The following ADCY3 variants were observed in gnomAD, a reference collection of about 807,000 sequenced individuals.
ADCY3 encodes adenylate cyclase 3, also known as adenylate cyclase type 3.
Under a neutral mutation model 119.4 loss-of-function variants are expected in ADCY3, and 70 were observed. The ratio of observed to expected loss-of-function variants is 0.59; its 90% CI spans 0.48 to 0.72. ADCY3 has a LOEUF of 0.72. ADCY3 is among the 30% of genes least tolerant of loss of function. ADCY3 has a pLI of 0.00. For synonymous variants in ADCY3, 672 were observed against 621.4 expected, an observed-to-expected ratio of 1.08 and a Z score of -1.21; for missense variants, 1,238 against 1,541.6, an observed-to-expected ratio of 0.80 and a Z score of 3.30.
At chr2:24,900,337 T>C (rs1380998785) in intron 2 of ADCY3, among the ~76,000 whole-genome samples, 1 of 132,010 alleles carries the variant, frequency 7.6e-6, no homozygotes, top group African/African-American at 2.8e-5. Context: ...AGAGCCAGAC[T>C]CTGTCTCAAA....
At chr2:24,839,752 C>T (rs759331246) in intron 7 of ADCY3, 121 bp downstream of exon 7, 187 of 1,412,574 alleles carry the variant, frequency 1.3e-4, no homozygotes, top group African/African-American at 2.8e-4. Context: ...AATGCTGTTC[C>T]GGGGTTGTAG....
In ADCY3 at chr2:24,834,413, A is replaced by AGGGGGG; in HGVS notation, c.1967+71_1967+72insCCCCCC. The AGGGGGG allele has an allele frequency of 1.2e-6, 1 of 856,316 alleles. No homozygotes were observed. The highest frequency in any genetic ancestry group is 1.8e-6 in the Non-Finnish European group (1 of 564,840). 53.0% of individuals were successfully genotyped at this position (856,316 alleles called of 1,614,324 possible). On this transcript the variant is annotated intron_variant, in intron 11 of 21. Transcript: ENST00000679454. This position sits in a 1 kb window ranked among gnomAD's most constrained non-coding sequence, Gnocchi z 4.2. Reference sequence around the variant, plus strand: ...CCCAATGTCAGGCTCCCGCTGAGACACCTGCCCCCGCCCCCCGCCCGGCAC... The same window carrying AGGGGGG: ...CCCAATGTCAGGCTCCCGCTGAGACAGGGGGGCCTGCCCCCGCCCCCCGCCCGGCAC...
At chr2:24,852,642 C>T (rs1292272452) in intron 3 of ADCY3, among the ~76,000 whole-genome samples, 3 of 152,266 alleles carry the variant, frequency 2.0e-5, no homozygotes, top group African/African-American at 7.2e-5. Flanking sequence ...GCCAGGACAG[C>T]CCCGGACCTC....
chr2:24,908,059 C>T (rs955802461), intron 2 of ADCY3, among the ~76,000 whole-genome samples: 2 of 152,030 alleles, frequency 1.3e-5, no homozygotes, highest in South Asian at 2.1e-4. Context: ...TGATGGCTCA[C>T]GCCTGTAATC....
Position 24,823,355 on chromosome 2 carries a change from C to T in ADCY3, c.2737G>A (p.Glu913Lys). ...HFLGSKKRDEELYSQTYDEIG... is the reference protein window; with the variant it reads ...HFLGSKKRDEKLYSQTYDEIG... ...TCATCATACGTCTGGCTATACAGCT[C>T]CTAAAAAGAGGTGCGGACAACGTGC... Residue 913 changes from glutamate (E) to lysine (K), a missense_variant and splice_region_variant, in exon 18 of 22, where the codon GAG becomes AAG. Glu to Lys is a moderately conservative substitution (Grantham distance 56, BLOSUM62 1). Around this residue, in one of 7 missense-constraint regions of ADCY3, gnomAD observed 499 missense variants for 571.0 expected, o/e 0.87. Coordinates refer to ENST00000679454, the MANE Select transcript of ADCY3 (RefSeq NM_004036.5). 1 of 1,610,568 alleles carries T rather than the reference C, an allele frequency of 6.2e-7. No homozygotes were observed. Among genetic ancestry groups the T allele is most frequent in the Non-Finnish European group, 8.5e-7 (1 of 1,179,016 alleles).
chr2:24,837,466 C>T lies in ADCY3; in HGVS notation c.1534-421G>A, dbSNP rs549513851. On this transcript the variant is annotated intron_variant, in intron 8 of 21. Transcript: ENST00000679454. ...AAATGACACTGGATGAGACTGACATCGAGGTTAGAATCAGCGGGGAGTATC... is the reference window on the plus strand; with the variant it reads ...AAATGACACTGGATGAGACTGACATTGAGGTTAGAATCAGCGGGGAGTATC... Among the ~76,000 whole-genome samples, 11 of 152,218 alleles carry T rather than the reference C, an allele frequency of 7.2e-5. No individual in the cohort carries two copies. In the South Asian group the frequency reaches 8.3e-4, roughly 11 times the overall value.
At chr2:24,838,934 A>G (rs1205691341) in intron 7 of ADCY3, 3 of 1,429,974 alleles carry the variant, frequency 2.1e-6, no homozygotes, top group East Asian at 3.1e-5. Flanking sequence ...ATCAAATGCG[A>G]TAAGGAATTT....
chr2:24,836,861 T>C, intron 9 of ADCY3, 56 bp downstream of exon 9: 1 of 1,554,044 alleles, frequency 6.4e-7, no homozygotes, highest in Non-Finnish European at 8.7e-7. Context: ...TATTGCTTCC[T>C]GGTGCCTGCC....
intron 21 of ADCY3, 41 bp downstream of exon 21, chr2:24,820,683 T>G: frequency 6.2e-7 from 1 of 1,612,200 alleles, no homozygotes; most frequent in East Asian, 2.2e-5. Context: ...TTTGTTCTCA[T>G]GCCGAGTCTG....
Position 24,820,072 on chromosome 2 carries a change from G to A in ADCY3, c.3295C>T (p.Arg1099Cys), listed in dbSNP as rs143344645. The A allele has an allele frequency of 2.2e-4, 351 of 1,586,468 alleles. 3 individuals carry two copies. The East Asian group carries it at 6.8e-3, about 31-fold the overall frequency. Residue 1099 changes from arginine (R) to cysteine (C), a missense_variant, in exon 22 of 22, where the codon CGC becomes TGC. Arg to Cys is a radical substitution (Grantham distance 180). Transcript: ENST00000679454. ...AAGATGGGGCCTCGCCTCACAAAGC[G>A]GAAGCCGTACTCTCGGAGGATGACT... The part of the protein sequence containing the change: ...TQVILREYGF[R>C]FVRRGPIFVK...
rs1208972079 is a variant in ADCY3 at position 24,920,030 on chromosome 2, C to G, written c.-545G>C. Among the ~76,000 whole-genome samples the G allele has an allele frequency of 6.9e-6, 1 of 145,090 alleles. No homozygotes were observed. The highest frequency in any genetic ancestry group is 2.5e-5 in the African/African-American group (1 of 40,288). ...GGCGCGGGCGGCGGCGAGCGCGGCT[C>G]TCCGGACCCCTCCCCTGCACCCGCG... On this transcript the variant is annotated 5_prime_UTR_variant, in exon 1 of 22. Transcript: ENST00000679454. This position sits in a 1 kb window ranked among gnomAD's most constrained non-coding sequence, Gnocchi z 4.5.
chr2:24,836,633 T>G (rs553836352), intron 9 of ADCY3, among the ~76,000 whole-genome samples: 1 of 152,342 alleles, frequency 6.6e-6, no homozygotes, highest in South Asian at 2.1e-4. Context: ...ATGTCCTCAC[T>G]GATCTCAAAT....
intron 3 of ADCY3, among the ~76,000 whole-genome samples, chr2:24,862,540 C>G (rs539499534): frequency 1.7e-5 from 2 of 115,356 alleles, no homozygotes; most frequent in Middle Eastern, 3.7e-3. Context: ...AGCGAGACTC[C>G]GCCTCAAAAA....
intron 2 of ADCY3, among the ~76,000 whole-genome samples, chr2:24,892,384 G>C (rs1053265856): frequency 6.6e-6 from 1 of 152,108 alleles, no homozygotes; most frequent in African/African-American, 2.4e-5. Context: ...AAGTAGCTGG[G>C]ATTACAGGCG....
At chr2:24,902,032 CTCTGTGTGTGTG>C (rs1678963179) in intron 2 of ADCY3, among the ~76,000 whole-genome samples, 2 of 122,866 alleles carry the variant, frequency 1.6e-5, no homozygotes, top group African/African-American at 6.9e-5. Context: ...CACATTTTAA[CTCTGTGTGTGTG>C]TGTGTGTGTG....
chr2:24,838,310 G>A (rs902394759), intron 8 of ADCY3, 135 bp downstream of exon 8: 11 of 881,402 alleles, frequency 1.2e-5, no homozygotes, highest in South Asian at 1.7e-5. Context: ...GTGCCAGCCT[G>A]CCACTCACCT....
In ADCY3 at chr2:24,836,137, A is replaced by G. The variant is rs141452126; in HGVS notation, c.1662+780T>C. Among the ~76,000 whole-genome samples the G allele has an allele frequency of 4.6e-3, 700 of 152,276 alleles. 3 individuals are homozygous for G. Among genetic ancestry groups the G allele is most frequent in the African/African-American group, 0.016 (657 of 41,544 alleles). On this transcript the variant is annotated intron_variant, in intron 9 of 21. Coordinates refer to ENST00000679454, the MANE Select transcript of ADCY3 (RefSeq NM_004036.5). ...CTGGCTGAGGGTCAGGGCCCGAAAA[A>G]TCAGGCTGCTAAAGCTGCATCTGTG...
intron 18 of ADCY3, among the ~76,000 whole-genome samples, chr2:24,822,967 G>A (rs1350567029): frequency 2.0e-5 from 3 of 152,198 alleles, no homozygotes; most frequent in Non-Finnish European, 2.9e-5. Context: ...GAGAGGTCTC[G>A]AGATGTTGCT....
intron 9 of ADCY3, 46 bp downstream of exon 9, chr2:24,836,871 C>A: frequency 1.3e-6 from 2 of 1,561,126 alleles, no homozygotes; most frequent in Non-Finnish European, 1.7e-6. Context: ...TGGTGCCTGC[C>A]CGCATCTGGC....
Sources: allele counts gnomAD v4.1 joint callset (sites outside exome capture counted in the v4.1 genomes callset), GRCh38; gene constraint gnomAD v4.1.1; regional missense constraint gnomAD v4.1.1; non-coding constraint Gnocchi (gnomAD v3.1); transcripts MANE v1.5; gene names NCBI Gene and HGNC (gene_info 2026-07-23, HGNC 2026-07-21).